The following RNF130 variants were observed in gnomAD, a reference collection of about 807,000 sequenced individuals.
RNF130 encodes E3 ubiquitin-protein ligase RNF130.
Under a neutral mutation model 44.6 loss-of-function variants are expected in RNF130, and 21 were observed. The observed-to-expected ratio is 0.47, with a 90% CI of 0.33 to 0.68. The LOEUF (loss-of-function observed/expected upper bound fraction) is 0.68. Among genes scored for constraint, RNF130 ranks in the 30% least tolerant of loss-of-function variants. The pLI is 0.02. For missense variants in RNF130, 479 were observed against 560.6 expected (o/e 0.85, Z 1.47); for synonymous variants, 214 against 210.4 (o/e 1.02, Z -0.15).
chr5:179,957,808 C>A (rs1447254482), intron 8 of RNF130, among the ~76,000 whole-genome samples: 6 of 152,182 alleles, frequency 3.9e-5, no homozygotes, highest in African/African-American at 1.2e-4. Context: ...AATTTTAAAT[C>A]TTTTCTGGAA....
At chr5:180,017,100 T>TCTAGAATAGTTC (rs1324145316) in intron 2 of RNF130, among the ~76,000 whole-genome samples, 1 of 152,228 alleles carries the variant, frequency 6.6e-6, no homozygotes, top group Non-Finnish European at 1.5e-5. Context: ...TCTCCTTTGA[T>TCTAGAATAGTTC]CTAGAATAGT....
chr5:180,000,716 T>C (rs535085323), intron 3 of RNF130, among the ~76,000 whole-genome samples: 1 of 152,352 alleles, frequency 6.6e-6, no homozygotes, highest in Non-Finnish European at 1.5e-5. Context: ...CATTGAATTC[T>C]TCAGCTGCAG....
intron 1 of RNF130, 68 bp downstream of exon 1, chr5:180,071,388 G>A: frequency 4.9e-6 from 6 of 1,219,724 alleles, no homozygotes; most frequent in African/African-American, 1.6e-5. Context: ...CCGGGGCCGG[G>A]AACCCTAGTC....
At chr5:179,932,320 C>A (rs1192951064) in intron 7 of RNF130, among the ~76,000 whole-genome samples, 1 of 152,018 alleles carries the variant, frequency 6.6e-6, no homozygotes, top group African/African-American at 2.4e-5. Context: ...TGCAGTGGTG[C>A]AATCTCAGCT....
At chr5:179,953,305 C>CTTT (rs546197845), downstream of RNF130, among the ~76,000 whole-genome samples, 28 of 141,650 alleles carry the variant, frequency 2.0e-4, no homozygotes, top group Non-Finnish European at 3.4e-4. Context: ...AAAATCCTAG[C>CTTT]TTTTTTTTTT....
chr5:180,032,873 G>A (rs1378136492), intron 2 of RNF130, among the ~76,000 whole-genome samples: 1 of 151,996 alleles, frequency 6.6e-6, no homozygotes, highest in Non-Finnish European at 1.5e-5. Flanking sequence ...GATTTGCATA[G>A]GTACATACCA....
intron 3 of RNF130, among the ~76,000 whole-genome samples, chr5:179,984,464 G>A (rs1434715410): frequency 6.6e-6 from 1 of 152,126 alleles, no homozygotes; most frequent in Admixed American, 6.5e-5. Context: ...ATCAGGAATC[G>A]ATGTTGGACT....
intron 1 of RNF130, among the ~76,000 whole-genome samples, chr5:180,047,745 A>C (rs2113153863): frequency 6.6e-6 from 1 of 152,290 alleles, no homozygotes; most frequent in South Asian, 2.1e-4. Flanking sequence ...CTCTGTCTAA[A>C]AAAATAAATA....
chr5:180,046,195 C>T (rs1025501922), intron 1 of RNF130, among the ~76,000 whole-genome samples: 2 of 152,164 alleles, frequency 1.3e-5, no homozygotes, highest in African/African-American at 2.4e-5. Context: ...GGTGCTAAGC[C>T]CCTCACTGAC....
chr5:179,922,456 G>A (rs576227311), intron 7 of RNF130, among the ~76,000 whole-genome samples: 2 of 152,112 alleles, frequency 1.3e-5, no homozygotes, highest in East Asian at 3.9e-4. Context: ...GAGATTACAG[G>A]CGTGGGCCAC....
At chr5:180,042,561 C>T (rs866026771) in intron 1 of RNF130, among the ~76,000 whole-genome samples, 12 of 152,208 alleles carry the variant, frequency 7.9e-5, no homozygotes, top group African/African-American at 9.6e-5. Flanking sequence ...TCTGTTTCAC[C>T]GATAATTATG....
At chr5:180,061,788 A>G (rs943811599) in intron 1 of RNF130, among the ~76,000 whole-genome samples, 1 of 152,210 alleles carries the variant, frequency 6.6e-6, no homozygotes, top group Non-Finnish European at 1.5e-5. Context: ...ATAAGGGCAC[A>G]TTCTGAGGTT....
rs76559407 is a variant in RNF130, at chr5:179,974,742, G to A, written c.848+3461C>T. On this transcript the variant is annotated intron_variant, in intron 5 of 8. Coordinates refer to ENST00000521389, the MANE Select transcript of RNF130 (RefSeq NM_018434.6). ...TTTTAAAAACTGGACTGGGAAATGC[G>A]AGTGTCACGAGATGCCGGCGAGTGG... 2.9e-3 allele frequency among the ~76,000 whole-genome samples: 449 copies of A among 152,376 alleles called. 4 individuals carry two copies. Among genetic ancestry groups the A allele is most frequent in the African/African-American group, 0.01 (433 of 41,588 alleles).
chr5:179,959,501 G>A (rs981456221), intron 8 of RNF130, among the ~76,000 whole-genome samples: 10 of 152,146 alleles, frequency 6.6e-5, no homozygotes, highest in African/African-American at 1.9e-4. Flanking sequence ...GGTGGCGGGT[G>A]CCTGTAATCC....
intron 7 of RNF130, among the ~76,000 whole-genome samples, chr5:179,929,120 C>T (rs1358100288): frequency 6.6e-6 from 1 of 152,112 alleles, no homozygotes; most frequent in Non-Finnish European, 1.5e-5. Context: ...GTCTATCATC[C>T]ATTTCAAGTC....
At chr5:180,061,072 A>T in intron 1 of RNF130, among the ~76,000 whole-genome samples, 1 of 147,924 alleles carries the variant, frequency 6.8e-6, no homozygotes, top group Non-Finnish European at 1.5e-5. Context: ...CCGTCTCAAA[A>T]AAAAAAAAAA....
chr5:179,933,415 T>TGTGTGTGTGTGTGTGTGTGTGA (rs1761840993), intron 7 of RNF130, among the ~76,000 whole-genome samples: 1 of 151,912 alleles, frequency 6.6e-6, no homozygotes, highest in Non-Finnish European at 1.5e-5. Flanking sequence ...TGTGTGTGTG[T>TGTGTGTGTGTGTGTGTGTGTGA]GTGTGTGAGT....
intron 3 of RNF130, among the ~76,000 whole-genome samples, chr5:179,988,826 T>TAG (rs1763012207): frequency 6.6e-6 from 1 of 152,236 alleles, no homozygotes; most frequent in Non-Finnish European, 1.5e-5. Context: ...TAAACAATGT[T>TAG]CCATATGTTG....
chr5:179,961,171 AAAGTAAGAT>A (rs958573368), intron 8 of RNF130, among the ~76,000 whole-genome samples: 21 of 152,060 alleles, frequency 1.4e-4, no homozygotes, highest in African/African-American at 5.1e-4. Context: ...CCCAGATTCT[AAAGTAAGAT>A]AATCACCACA....
Sources: gnomAD v4.1 joint callset for allele counts (sites outside exome capture counted in the v4.1 genomes callset) on GRCh38, gnomAD v4.1.1 for gene constraint, MANE v1.5 for transcripts, NCBI Gene and HGNC (gene_info 2026-07-23, HGNC 2026-07-21) for gene names.